PTPA: variants seen among roughly 807,000 people sequenced by gnomAD.
PTPA encodes serine/threonine-protein phosphatase 2A activator.
PTPA carries 13 observed loss-of-function variants against 43.6 expected under a neutral mutation model. The ratio of observed to expected loss-of-function variants is 0.30; its 90% CI spans 0.19 to 0.47. PTPA has a LOEUF of 0.47. Ranked by LOEUF, PTPA falls within the 20% of genes least tolerant of loss-of-function variation. The pLI is 0.99. For missense variants in PTPA, 329 were observed against 411.9 expected, an observed-to-expected ratio of 0.80 and a Z score of 1.74; for synonymous variants, 172 against 158.2, an observed-to-expected ratio of 1.09 and a Z score of -0.66.
intron 1 of PTPA, among the ~76,000 whole-genome samples, chr9:129,114,925 C>T (rs1465752925): frequency 6.6e-6 from 1 of 152,168 alleles, no homozygotes; most frequent in African/African-American, 2.4e-5. Context: ...TAGCCTTTTC[C>T]CAAACATGGA....
intron 3 of PTPA, among the ~76,000 whole-genome samples, chr9:129,127,445 T>G (rs761769905): frequency 2.6e-4 from 39 of 152,248 alleles, no homozygotes; most frequent in South Asian, 2.1e-4. Flanking sequence ...AAGTTTCTTA[T>G]GCCGTTTGTT....
At position 129,137,534 on chromosome 9, in the gene PTPA, G is replaced by A. The variant is rs1850452959; in HGVS notation, c.686-58G>A. On this transcript the variant is annotated intron_variant, in intron 7 of 9. Transcript: ENST00000393370. ...TGGGGGGGTGTGACTGCTGGGCCGGGTTGCCCAGGTAGTCGTGGGGCCTGG... is the reference window on the plus strand; with the variant it reads ...TGGGGGGGTGTGACTGCTGGGCCGGATTGCCCAGGTAGTCGTGGGGCCTGG... The A allele has an allele frequency of 2.8e-6, 4 of 1,415,780 alleles. No homozygotes were observed. In the South Asian group the frequency reaches 5.0e-5, roughly 18 times the overall value. The allele number at this position is 1,415,780 out of a possible 1,614,324, so 87.7% of individuals were successfully genotyped here. A position where few individuals can be genotyped will look rare whatever the true frequency, so the allele number is the denominator to read the frequency against.
At chr9:129,120,688 C>A in intron 2 of PTPA, 78 bp downstream of exon 2, 1 of 1,258,156 alleles carries the variant, frequency 7.9e-7, no homozygotes, top group South Asian at 1.3e-5. Flanking sequence ...CGGTGAGTTC[C>A]TGGCCCTTCT....
chr9:129,142,722 G>A, intron 9 of PTPA, 170 bp downstream of exon 9: 1 of 1,539,064 alleles, frequency 6.5e-7, no homozygotes, highest in Non-Finnish European at 8.7e-7. Flanking sequence ...TCTCCCATCT[G>A]GGGCATGGGC....
intron 8 of PTPA, among the ~76,000 whole-genome samples, chr9:129,141,186 G>A (rs886244602): frequency 1.3e-5 from 2 of 152,114 alleles, no homozygotes; most frequent in African/African-American, 4.8e-5. Context: ...TTTTGTCACA[G>A]TTGCCCTTAC....
At chr9:129,128,241 A>G (rs529771058) in intron 3 of PTPA, among the ~76,000 whole-genome samples, 1 of 152,254 alleles carries the variant, frequency 6.6e-6, no homozygotes, top group African/African-American at 2.4e-5. Context: ...GGTATGTTAA[A>G]ATGTTTAGTG....
At chr9:129,131,879 C>T (rs1280506844) in intron 5 of PTPA, among the ~76,000 whole-genome samples, 1 of 152,182 alleles carries the variant, frequency 6.6e-6, no homozygotes, top group Non-Finnish European at 1.5e-5. Flanking sequence ...ATGCCCCGTG[C>T]ATGGTGCTTG....
At chr9:129,130,037 A>C (rs544103154) in intron 4 of PTPA, among the ~76,000 whole-genome samples, 1 of 152,294 alleles carries the variant, frequency 6.6e-6, no homozygotes, top group East Asian at 1.9e-4. Context: ...ACCCACTTGG[A>C]ATGCTAGCTG....
chr9:129,141,107 G>A (rs918955367), intron 8 of PTPA, among the ~76,000 whole-genome samples: 2 of 152,092 alleles, frequency 1.3e-5, no homozygotes, highest in Non-Finnish European at 2.9e-5. Flanking sequence ...GGCTTTTTGG[G>A]AACCTGGGCC....
intron 9 of PTPA, chr9:129,143,209 A>C (rs1851025470): frequency 1.5e-6 from 1 of 645,946 alleles, no homozygotes; most frequent in Admixed American, 2.3e-5. Flanking sequence ...TCTCTCTTCC[A>C]AGTGGGGAGG....
intron 8 of PTPA, chr9:129,141,853 C>G (rs967040030): frequency 6.6e-6 from 1 of 151,828 alleles, no homozygotes; most frequent in Non-Finnish European, 1.5e-5. Context: ...TGGGTTTGGT[C>G]ATACCCACCT....
rs56124277 is a variant in PTPA, at chr9:129,120,261, GAA to G, written c.32-240_32-239del. Among the ~76,000 whole-genome samples the G allele has an allele frequency of 8.2e-4, 119 of 144,648 alleles. 3 individuals are homozygous for G. The East Asian group carries it at 0.018, about 21-fold the overall frequency. 94.9% of individuals were successfully genotyped at this position (144,648 alleles called of 152,430 possible). A position where few individuals can be genotyped will look rare whatever the true frequency, so the allele number is the denominator to read the frequency against. ...CGACAGAGCGAGACTCTGTCTCAAAGAAAAAAAAAAAAATTAGCTGGGTGTGG... is the reference window on the plus strand; with the variant it reads ...CGACAGAGCGAGACTCTGTCTCAAAGAAAAAAAAAAATTAGCTGGGTGTGG... On this transcript the variant is annotated intron_variant, in intron 1 of 9. Coordinates refer to ENST00000393370, the MANE Select transcript of PTPA (RefSeq NM_178000.3).
Position 129,142,938 on chromosome 9 carries a change from C to T in PTPA, c.894+386C>T, listed in dbSNP as rs551057043. 6.9e-5 allele frequency: 99 copies of T among 1,439,064 alleles called. No individual in the cohort carries two copies. In the African/African-American group the frequency reaches 9.1e-4, roughly 13 times the overall value. 89.1% of individuals were successfully genotyped at this position (1,439,064 alleles called of 1,614,324 possible). A position where few individuals can be genotyped will look rare whatever the true frequency, so the allele number is the denominator to read the frequency against. ...CATGGCATACCTGGGAAGGGTCTTA[C>T]CCTTTGGAGGCATCTCCAAAGTGCT... On this transcript the variant is annotated intron_variant, in intron 9 of 9. Coordinates refer to ENST00000393370, the MANE Select transcript of PTPA (RefSeq NM_178000.3).
chr9:129,128,035 A>G (rs1413636343), intron 3 of PTPA: 5 of 1,345,206 alleles, frequency 3.7e-6, no homozygotes, highest in Non-Finnish European at 4.9e-6. Flanking sequence ...AATGCATACC[A>G]TTACCCCGCG....
rs150223231 is a variant in PTPA at position 129,122,980 on chromosome 9, G to A, written c.130-72G>A. 1.3e-4 allele frequency: 158 copies of A among 1,203,068 alleles called. 1 individual carries two copies. The East Asian group carries it at 3.7e-3, about 28-fold the overall frequency. The allele number at this position is 1,203,068 out of a possible 1,614,324, so 74.5% of individuals were successfully genotyped here. ...CTCGGAGCTCTTTGGTAACCTGGTGGAGCTCGGGGCAGGTGGGGCGGGGGG... is the reference window on the plus strand; with the variant it reads ...CTCGGAGCTCTTTGGTAACCTGGTGAAGCTCGGGGCAGGTGGGGCGGGGGG... On this transcript the variant is annotated intron_variant, in intron 2 of 9. Transcript: ENST00000393370.
At chr9:129,111,826 G>A (rs1178188020) in intron 1 of PTPA, 195 bp downstream of exon 1, 1 of 1,215,072 alleles carries the variant, frequency 8.2e-7, no homozygotes, top group Non-Finnish European at 1.0e-6. Flanking sequence ...AGGGAACCAG[G>A]GGCTGCAAAG....
chr9:129,136,489 G>A lies in PTPA; in HGVS notation c.579G>A (p.Arg193=), dbSNP rs143681457. 8.1e-6 allele frequency: 13 copies of A among 1,613,456 alleles called. No individual in the cohort carries two copies. Among genetic ancestry groups the A allele is most frequent in the Admixed American group, 3.3e-5 (2 of 59,930 alleles). The change falls in exon 7 of 10, where the codon CGG becomes CGA. Residue 193 remains arginine (R), a synonymous_variant. Coordinates refer to ENST00000393370, the MANE Select transcript of PTPA (RefSeq NM_178000.3). Reference sequence around the variant, plus strand: ...TGTGCAGGTACCTTGAGGTTATGCGGAAACTCCAGAAAACATACAGGATGG... The same window carrying A: ...TGTGCAGGTACCTTGAGGTTATGCGAAAACTCCAGAAAACATACAGGATGG... ...KVFNRYLEVM[R]KLQKTYRMEP...
intron 4 of PTPA, among the ~76,000 whole-genome samples, chr9:129,130,356 C>T (rs1270721310): frequency 6.6e-6 from 1 of 151,522 alleles, no homozygotes; most frequent in African/African-American, 2.4e-5. Flanking sequence ...CAGTGAAGTG[C>T]TGTTCCCAAG....
intron 1 of PTPA, among the ~76,000 whole-genome samples, chr9:129,119,298 G>A (rs910733596): frequency 6.6e-6 from 1 of 150,700 alleles, no homozygotes; most frequent in Non-Finnish European, 1.5e-5. Context: ...CACCTAGCCA[G>A]ATGTTTTTAA....
Sources: allele counts gnomAD v4.1 joint callset (sites outside exome capture counted in the v4.1 genomes callset), GRCh38; gene constraint gnomAD v4.1.1; transcripts MANE v1.5; gene names NCBI Gene and HGNC (gene_info 2026-07-23, HGNC 2026-07-21).